The following WWOX variants were observed in gnomAD, a reference collection of about 807,000 sequenced individuals.
The protein encoded by WWOX is WW domain-containing oxidoreductase.
A neutral mutation model predicts 46.2 loss-of-function variants in WWOX; 69 were observed. The observed-to-expected ratio is 1.49, with a 90% CI of 1.23 to 1.82. The LOEUF (loss-of-function observed/expected upper bound fraction) is 1.82. WWOX is among the 40% of genes most tolerant of loss of function. The pLI is 0.00. For missense variants in WWOX, 919 were observed against 542.6 expected (o/e 1.69, Z -6.89); for synonymous variants, 359 against 202.6 (o/e 1.77, Z -6.56).
At chr16:78,173,047 G>T (rs1249060113) in intron 5 of WWOX, among the ~76,000 whole-genome samples, 1 of 152,178 alleles carries the variant, frequency 6.6e-6, no homozygotes, top group Non-Finnish European at 1.5e-5. Context: ...ACTTCCCTAC[G>T]CAAGGACAAG....
At chr16:78,323,880 C>A (rs548412178) in intron 5 of WWOX, among the ~76,000 whole-genome samples, 2 of 152,232 alleles carry the variant, frequency 1.3e-5, no homozygotes, top group African/African-American at 4.8e-5. Flanking sequence ...ACTCAGAGGC[C>A]TGCTCAAGGT....
At chr16:78,628,002 G>A (rs1485441682) in intron 8 of WWOX, among the ~76,000 whole-genome samples, 1 of 152,204 alleles carries the variant, frequency 6.6e-6, no homozygotes, top group Non-Finnish European at 1.5e-5. Context: ...GTAGCCTCAG[G>A]ACCAGGGGTG....
At chr16:79,177,966 G>A (rs1347431384) in intron 8 of WWOX, among the ~76,000 whole-genome samples, 6 of 152,156 alleles carry the variant, frequency 3.9e-5, no homozygotes, top group Admixed American at 3.9e-4. Context: ...TCTGTTGAGG[G>A]CTCGTTCCCT....
rs911409849 is a variant in WWOX at position 78,231,404 on chromosome 16, C to T, written c.516+67115C>T. Among the ~76,000 whole-genome samples, 4 of 152,164 alleles carry T rather than the reference C, an allele frequency of 2.6e-5. No individual in the cohort carries two copies. In the East Asian group the frequency reaches 5.8e-4, roughly 22 times the overall value. On this transcript the variant is annotated intron_variant, in intron 5 of 8. Coordinates refer to ENST00000566780, the MANE Select transcript of WWOX (RefSeq NM_016373.4). Reference sequence around the variant, plus strand: ...CTTGCAGCTGTGACTAACAATAAAACACAGGATAATGTACCTACAGAAATG... The same window carrying T: ...CTTGCAGCTGTGACTAACAATAAAATACAGGATAATGTACCTACAGAAATG...
intron 5 of WWOX, among the ~76,000 whole-genome samples, chr16:78,326,383 A>G (rs779213263): frequency 3.3e-5 from 5 of 152,030 alleles, no homozygotes; most frequent in African/African-American, 7.2e-5. Flanking sequence ...TGCCACCCCT[A>G]TCATACTTAG....
rs181649430 is a variant in WWOX at position 78,942,560 on chromosome 16, A to G, written c.1057-269048A>G. On this transcript the variant is annotated intron_variant, in intron 8 of 8. Transcript: ENST00000566780. ...AGCAAGGAATTAATAAAAACCCACCAGAATACATTATTTCAGACAATCAAG... is the reference window on the plus strand; with the variant it reads ...AGCAAGGAATTAATAAAAACCCACCGGAATACATTATTTCAGACAATCAAG... 7.1e-4 allele frequency among the ~76,000 whole-genome samples: 108 copies of G among 152,164 alleles called. 1 individual carries two copies. Among genetic ancestry groups the G allele is most frequent in the Non-Finnish European group, 1.2e-3 (79 of 68,028 alleles).
rs1022523647 is a variant in WWOX, at chr16:78,553,073, C to G, written c.1056+120321C>G. The G allele has an allele frequency of 4.1e-4, 63 of 152,152 alleles. 1 individual carries two copies. The highest frequency in any genetic ancestry group is 1.4e-3 in the African/African-American group (59 of 41,414). The allele number at this position is 152,152 out of a possible 1,614,324, so 9.4% of individuals were successfully genotyped here. On this transcript the variant is annotated intron_variant, in intron 8 of 8. Transcript: ENST00000566780. ...GTGTCACTTGTAAGTGGGAGCTGAA[C>G]AATGAGAACACATGGACACAGGGAG...
chr16:78,441,730 C>A (rs2083448802), intron 8 of WWOX, among the ~76,000 whole-genome samples: 1 of 152,070 alleles, frequency 6.6e-6, no homozygotes, highest in Non-Finnish European at 1.5e-5. Flanking sequence ...ACCTCATGGG[C>A]TTGTCTTGAG....
At position 78,618,985 on chromosome 16, in the gene WWOX, A is replaced by G. The variant is rs1045033094; in HGVS notation, c.1056+186233A>G. 6.0e-5 allele frequency among the ~76,000 whole-genome samples: 9 copies of G among 149,858 alleles called. No homozygotes were observed. The South Asian group carries it at 1.7e-3, about 29-fold the overall frequency. ...TTAAGATACTGAAATTTCTGGGCAA[A>G]GTTTCCTCAACTCTTCATTTAAGTG... On this transcript the variant is annotated intron_variant, in intron 8 of 8. Transcript: ENST00000566780.
chr16:78,934,545 C>A (rs987566259), intron 8 of WWOX, among the ~76,000 whole-genome samples: 2 of 147,930 alleles, frequency 1.4e-5, no homozygotes, highest in African/African-American at 5.0e-5. Flanking sequence ...ACACAACTTA[C>A]CAAACCAAGA....
intron 8 of WWOX, among the ~76,000 whole-genome samples, chr16:78,932,522 G>C (rs759166408): frequency 2.6e-5 from 4 of 152,176 alleles, no homozygotes; most frequent in Non-Finnish European, 5.9e-5. Flanking sequence ...CCTTGAAGTG[G>C]GCCCTGCCGG....
chr16:78,860,911 G>T lies in WWOX; in HGVS notation c.1057-350697G>T, dbSNP rs79102351. On this transcript the variant is annotated intron_variant, in intron 8 of 8. Coordinates refer to ENST00000566780, the MANE Select transcript of WWOX (RefSeq NM_016373.4). ...GAGTGCAGTGGCCTCAACCTCCCAG[G>T]CCCAGGTGATCCTCCCACTTCAGCC... Among the ~76,000 whole-genome samples, 1,376 of 152,246 alleles carry T rather than the reference G, an allele frequency of 9.0e-3. 22 individuals carry two copies. The highest frequency in any genetic ancestry group is 0.031 in the African/African-American group (1,302 of 41,534).
chr16:78,793,291 G>A (rs908310082), intron 8 of WWOX, among the ~76,000 whole-genome samples: 9 of 152,104 alleles, frequency 5.9e-5, no homozygotes, highest in African/African-American at 2.2e-4. Flanking sequence ...GAACTCCTGG[G>A]CTCAGGAGAT....
chr16:78,321,875 C>A (rs1008989143), intron 5 of WWOX, among the ~76,000 whole-genome samples: 10 of 152,076 alleles, frequency 6.6e-5, no homozygotes, highest in Admixed American at 5.2e-4. Flanking sequence ...ATTCTGTTGA[C>A]ATTTAGTGAC....
rs146691982 is a variant in WWOX, at chr16:79,150,230, C to G, written c.1057-61378C>G. ...TTTCCCAAACCATAGATTCATGGAACTGTCAAAGAGCAGCACTGAACTTTG... is the reference window on the plus strand; with the variant it reads ...TTTCCCAAACCATAGATTCATGGAAGTGTCAAAGAGCAGCACTGAACTTTG... On this transcript the variant is annotated intron_variant, in intron 8 of 8. Transcript: ENST00000566780. 7.2e-5 allele frequency among the ~76,000 whole-genome samples: 11 copies of G among 152,296 alleles called. No homozygotes were observed. In the East Asian group the frequency reaches 1.7e-3, roughly 24 times the overall value.
intron 8 of WWOX, among the ~76,000 whole-genome samples, chr16:78,669,257 G>C (rs1447676183): frequency 6.6e-6 from 1 of 152,218 alleles, no homozygotes; most frequent in Non-Finnish European, 1.5e-5. Flanking sequence ...CACATTTGCT[G>C]TCCCAAGTGT....
intron 8 of WWOX, among the ~76,000 whole-genome samples, chr16:78,580,526 C>T (rs564134343): frequency 3.9e-5 from 6 of 152,174 alleles, no homozygotes; most frequent in South Asian, 2.1e-4. Flanking sequence ...AGTCCCATCA[C>T]GAACAAATTG....
chr16:78,273,112 T>C (rs986617006), intron 5 of WWOX, among the ~76,000 whole-genome samples: 1 of 152,232 alleles, frequency 6.6e-6, no homozygotes, highest in Non-Finnish European at 1.5e-5. Flanking sequence ...AGATAGAGTC[T>C]TTTAGCTGTT....
chr16:78,930,026 A>T (rs1386867607), intron 8 of WWOX, among the ~76,000 whole-genome samples: 1 of 152,120 alleles, frequency 6.6e-6, no homozygotes, highest in Non-Finnish European at 1.5e-5. Context: ...GTGGCAGGGA[A>T]GTCCCACATG....
Sources: gnomAD v4.1 joint callset for allele counts (sites outside exome capture counted in the v4.1 genomes callset) on GRCh38, gnomAD v4.1.1 for gene constraint, MANE v1.5 for transcripts, NCBI Gene and HGNC (gene_info 2026-07-23, HGNC 2026-07-21) for gene names.